TMEM163: variants seen among roughly 807,000 people sequenced by gnomAD.
TMEM163 encodes transmembrane protein 163.
In TMEM163, 17 loss-of-function variants were observed where a neutral mutation model predicts 29.3. The ratio of observed to expected loss-of-function variants is 0.58; its 90% CI spans 0.40 to 0.87. The LOEUF (loss-of-function observed/expected upper bound fraction) is 0.87, where lower values mean the gene tolerates loss of function less well. TMEM163 is among the 40% of genes least tolerant of loss of function. The probability of loss-of-function intolerance (pLI) is 0.00; values close to 1 mark genes in which losing one functional copy is unlikely to be tolerated. For synonymous variants in TMEM163, 157 were observed against 160.6 expected (o/e 0.98, Z 0.17); for missense variants, 303 against 381.5 (o/e 0.79, Z 1.71).
At chr2:134,545,234 C>T (rs375383522) in intron 4 of TMEM163, among the ~76,000 whole-genome samples, 9 of 152,154 alleles carry the variant, frequency 5.9e-5, no homozygotes, top group Non-Finnish European at 1.0e-4. Flanking sequence ...CAACCCCACC[C>T]GCACCCCCAG....
intron 2 of TMEM163, among the ~76,000 whole-genome samples, chr2:134,564,672 C>A (rs978583359): frequency 3.9e-5 from 6 of 151,980 alleles, no homozygotes; most frequent in African/African-American, 1.5e-4. Context: ...AGAAATCAAC[C>A]CAATAGGAAA....
At chr2:134,555,398 T>C (rs998586822) in intron 2 of TMEM163, among the ~76,000 whole-genome samples, 1 of 152,208 alleles carries the variant, frequency 6.6e-6, no homozygotes, top group Non-Finnish European at 1.5e-5. Context: ...TAGAGGCACC[T>C]GGAGCTCCAT....
chr2:134,577,903 A>G (rs1300149275), intron 2 of TMEM163, among the ~76,000 whole-genome samples: 1 of 152,212 alleles, frequency 6.6e-6, no homozygotes, highest in African/African-American at 2.4e-5. Flanking sequence ...TATTGTAAGT[A>G]CATCTAGAGG....
intron 1 of TMEM163, among the ~76,000 whole-genome samples, chr2:134,715,024 T>C (rs911630676): frequency 3.3e-5 from 5 of 152,162 alleles, no homozygotes; most frequent in African/African-American, 1.2e-4. Flanking sequence ...TCATGGCCAA[T>C]TGATTTTCAG....
chr2:134,465,198 A>G (rs199860082), intron 6 of TMEM163, among the ~76,000 whole-genome samples: 2 of 144,364 alleles, frequency 1.4e-5, no homozygotes, highest in African/African-American at 5.6e-5. Flanking sequence ...TTAAAAAAAA[A>G]AAAAACAAAA....
At chr2:134,564,179 A>C (rs1299628253) in intron 2 of TMEM163, among the ~76,000 whole-genome samples, 1 of 152,224 alleles carries the variant, frequency 6.6e-6, no homozygotes, top group Non-Finnish European at 1.5e-5. Flanking sequence ...AAATAAAATG[A>C]TATTAGCACA....
intron 2 of TMEM163, among the ~76,000 whole-genome samples, chr2:134,617,827 C>T (rs1247827218): frequency 6.6e-6 from 1 of 151,970 alleles, no homozygotes. Context: ...AAAAGCAGGC[C>T]TCAGCCAGGC....
At chr2:134,527,236 AGT>A (rs1427866029) in intron 4 of TMEM163, among the ~76,000 whole-genome samples, 1 of 152,066 alleles carries the variant, frequency 6.6e-6, no homozygotes, top group Non-Finnish European at 1.5e-5. Context: ...AAATCTATAC[AGT>A]GTACATGCTT....
chr2:134,668,621 G>A (rs539597515), intron 2 of TMEM163, among the ~76,000 whole-genome samples: 204 of 145,892 alleles, frequency 1.4e-3, no homozygotes, highest in Non-Finnish European at 2.4e-3. Flanking sequence ...GGGAAACTCC[G>A]TCTCAAAAAA....
chr2:134,492,375 C>T (rs1679448311), intron 5 of TMEM163, among the ~76,000 whole-genome samples: 1 of 152,192 alleles, frequency 6.6e-6, no homozygotes, highest in African/African-American at 2.4e-5. Flanking sequence ...AAAGTATACA[C>T]CTTGATCAGC....
At chr2:134,532,643 T>A (rs1481607723) in intron 4 of TMEM163, among the ~76,000 whole-genome samples, 1 of 152,200 alleles carries the variant, frequency 6.6e-6, no homozygotes, top group Non-Finnish European at 1.5e-5. Context: ...CTTTCTGTAG[T>A]CTATTGTTTG....
intron 2 of TMEM163, among the ~76,000 whole-genome samples, chr2:134,579,714 G>A (rs996314885): frequency 4.6e-5 from 7 of 152,170 alleles, no homozygotes; most frequent in Non-Finnish European, 8.8e-5. Flanking sequence ...CTCTACACCA[G>A]CCATAAAGAC....
chr2:134,695,021 A>G (rs553443097), intron 2 of TMEM163, among the ~76,000 whole-genome samples: 3 of 152,352 alleles, frequency 2.0e-5, no homozygotes, highest in African/African-American at 7.2e-5. Flanking sequence ...AAAAACTAAA[A>G]TAGCAAAACC....
At chr2:134,524,663 T>G (rs1680255206) in intron 4 of TMEM163, among the ~76,000 whole-genome samples, 1 of 150,236 alleles carries the variant, frequency 6.7e-6, no homozygotes, top group African/African-American at 2.4e-5. Flanking sequence ...GATGATGGCT[T>G]CCAGTTCCAT....
intron 2 of TMEM163, among the ~76,000 whole-genome samples, chr2:134,613,618 G>GA (rs1014155238): frequency 4.0e-5 from 6 of 151,168 alleles, no homozygotes; most frequent in South Asian, 4.2e-4. Flanking sequence ...GGTGCTGACA[G>GA]AAAAAAAACA....
intron 6 of TMEM163, among the ~76,000 whole-genome samples, chr2:134,465,754 A>C (rs1278543589): frequency 6.6e-6 from 1 of 152,220 alleles, no homozygotes; most frequent in African/African-American, 2.4e-5. Flanking sequence ...CAAAGGAAAC[A>C]TTTATAGAAT....
intron 2 of TMEM163, among the ~76,000 whole-genome samples, chr2:134,583,019 GC>G (rs1681731503): frequency 6.6e-6 from 1 of 152,078 alleles, no homozygotes; most frequent in Non-Finnish European, 1.5e-5. Context: ...ATTTTAACAG[GC>G]ATCTCTGTGC....
At chr2:134,575,239 G>A (rs1247429357) in intron 2 of TMEM163, among the ~76,000 whole-genome samples, 1 of 152,080 alleles carries the variant, frequency 6.6e-6, no homozygotes, top group East Asian at 1.9e-4. Context: ...TATAAAGATG[G>A]TTGGCCTTGA....
intron 2 of TMEM163, among the ~76,000 whole-genome samples, chr2:134,624,287 T>C (rs1246083950): frequency 6.6e-6 from 1 of 152,178 alleles, no homozygotes; most frequent in Non-Finnish European, 1.5e-5. Context: ...AAATTTCTCA[T>C]CTTTCACGAG....
Sources: gnomAD v4.1 joint callset for allele counts (sites outside exome capture counted in the v4.1 genomes callset) on GRCh38, gnomAD v4.1.1 for gene constraint, MANE v1.5 for transcripts, NCBI Gene and HGNC (gene_info 2026-07-23, HGNC 2026-07-21) for gene names.